The following ADAM11 variants were observed in gnomAD, a reference collection of about 807,000 sequenced individuals.
ADAM11 encodes the protein disintegrin and metalloproteinase domain-containing protein 11.
ADAM11 carries 49 observed loss-of-function variants against 119.1 expected under a neutral mutation model. The observed-to-expected ratio is 0.41, with a 90% CI of 0.33 to 0.52. The LOEUF (loss-of-function observed/expected upper bound fraction) is 0.52. ADAM11 is among the 20% of genes least tolerant of loss of function. The pLI, the probability that ADAM11 is intolerant of heterozygous loss-of-function variation, is 0.20. For missense variants in ADAM11, 777 were observed against 1,047.5 expected, an observed-to-expected ratio of 0.74 and a Z score of 3.56; for synonymous variants, 364 against 408.0, an observed-to-expected ratio of 0.89 and a Z score of 1.30.
chr17:44,763,256 G>A (rs1188724836), intron 2 of ADAM11, among the ~76,000 whole-genome samples: 1 of 152,220 alleles, frequency 6.6e-6, no homozygotes, highest in African/African-American at 2.4e-5. Context: ...GCTCCCAGAG[G>A]TGGGGCTGTT....
intron 26 of ADAM11, 47 bp downstream of exon 26, chr17:44,779,286 C>G (rs2049658225): frequency 4.5e-6 from 7 of 1,552,204 alleles, no homozygotes; most frequent in Non-Finnish European, 6.0e-6. Context: ...GCCACGTCAT[C>G]CCTCCCGCTG....
chr17:44,776,714 G>A lies in ADAM11; in HGVS notation c.1567-31G>A. The A allele has an allele frequency of 6.2e-7, 1 of 1,612,926 alleles. No individual in the cohort carries two copies. Among genetic ancestry groups the A allele is most frequent in the Non-Finnish European group, 8.5e-7 (1 of 1,179,494 alleles). On this transcript the variant is annotated intron_variant, in intron 18 of 26. Transcript: ENST00000200557. The surrounding 1 kb of genome is among the most constrained non-coding windows in gnomAD (Gnocchi z 5.2). ...AGCCCTCAGCTCCAGTCCTGGGACT[G>A]CTCCGCTCAACCCCACCCCTCTCTC...
chr17:44,769,910 G>A (rs2049497823), intron 3 of ADAM11, 72 bp from the exon 4 acceptor site: 1 of 1,608,980 alleles, frequency 6.2e-7, no homozygotes, highest in Non-Finnish European at 8.5e-7. Context: ...CCTGGGTCCT[G>A]ACCTGAGGCG....
At position 44,776,769 on chromosome 17, in the gene ADAM11, G is replaced by C; in HGVS notation, c.1591G>C (p.Asp531His). Reference sequence around the variant, plus strand: ...GTGCCCGCCTAACCTGCACAAGCTGGACGGTTACTACTGTGACCATGAGCA... The same window carrying C: ...GTGCCCGCCTAACCTGCACAAGCTGCACGGTTACTACTGTGACCATGAGCA... The part of the protein sequence containing the change: ...SQCPPNLHKL[D>H]GYYCDHEQGR... Residue 531 changes from aspartate (D) to histidine (H), a missense_variant, in exon 19 of 27, where the codon GAC becomes CAC. Physicochemically the swap from Asp to His is moderately conservative, Grantham distance 81. Transcript: ENST00000200557. This position sits in a 1 kb window ranked among gnomAD's most constrained non-coding sequence, Gnocchi z 5.2. The C allele has an allele frequency of 6.2e-7, 1 of 1,614,166 alleles. No individual in the cohort carries two copies. The highest frequency in any genetic ancestry group is 8.5e-7 in the Non-Finnish European group (1 of 1,180,026).
rs569481370 is a variant in ADAM11 at position 44,772,802 on chromosome 17, A to T, written c.679-55A>T. ...CACCGAGTCTGTTCCTGGCTTGGCCATGAGATCAGTCAGACATGGAAGGGA... is the reference window on the plus strand; with the variant it reads ...CACCGAGTCTGTTCCTGGCTTGGCCTTGAGATCAGTCAGACATGGAAGGGA... On this transcript the variant is annotated intron_variant, in intron 8 of 26. Transcript: ENST00000200557. This position sits in a 1 kb window ranked among gnomAD's most constrained non-coding sequence, Gnocchi z 4.5. 13 of 1,543,012 alleles carry T rather than the reference A, an allele frequency of 8.4e-6. No homozygotes were observed. The highest frequency in any genetic ancestry group is 1.4e-5 in the African/African-American group (1 of 73,544).
chr17:44,763,830 C>T (rs1175356590), intron 2 of ADAM11, among the ~76,000 whole-genome samples: 2 of 151,988 alleles, frequency 1.3e-5, no homozygotes, highest in African/African-American at 4.8e-5. Context: ...GATTCTTGTG[C>T]CTCAGCCTCC....
intron 2 of ADAM11, among the ~76,000 whole-genome samples, chr17:44,767,320 A>G (rs539950934): frequency 6.8e-6 from 1 of 146,952 alleles, no homozygotes; most frequent in Non-Finnish European, 1.5e-5. Flanking sequence ...GCACCACTGC[A>G]CTACAGCCTG....
At chr17:44,764,388 C>T (rs1052456464) in intron 2 of ADAM11, among the ~76,000 whole-genome samples, 10 of 152,216 alleles carry the variant, frequency 6.6e-5, no homozygotes, top group African/African-American at 2.4e-4. Flanking sequence ...CATGGTGCCA[C>T]AGGGGGGCCA....
At chr17:44,774,245 G>A (rs1468713893) in intron 11 of ADAM11, 50 bp from the exon 12 acceptor site, 12 of 1,275,066 alleles carry the variant, frequency 9.4e-6, no homozygotes, top group Non-Finnish European at 1.3e-5. Context: ...ACCACCCGGG[G>A]AGCCACAGGG....
chr17:44,761,924 G>A (rs532573083), intron 2 of ADAM11, among the ~76,000 whole-genome samples: 11 of 152,156 alleles, frequency 7.2e-5, no homozygotes, highest in Middle Eastern at 6.8e-3. Flanking sequence ...CCGGGTTCAA[G>A]CAATTCTACT....
In ADAM11 at chr17:44,779,939, C is replaced by T; in HGVS notation, c.*185C>T. On this transcript the variant is annotated 3_prime_UTR_variant, in exon 27 of 27. Transcript: ENST00000200557. ...TGCCCTTGGCACCACCAGGGTGGACCAGGCCTGGAGGGCACTTCCTCCACA... is the reference window on the plus strand; with the variant it reads ...TGCCCTTGGCACCACCAGGGTGGACTAGGCCTGGAGGGCACTTCCTCCACA... 1 of 882,106 alleles carries T rather than the reference C, an allele frequency of 1.1e-6. No individual in the cohort carries two copies. The highest frequency in any genetic ancestry group is 1.8e-6 in the Non-Finnish European group (1 of 549,178). The allele number at this position is 882,106 out of a possible 1,614,324, so 54.6% of individuals were successfully genotyped here.
intron 4 of ADAM11, 72 bp from the exon 5 acceptor site, chr17:44,771,512 C>CA: frequency 6.7e-7 from 1 of 1,486,828 alleles, no homozygotes; most frequent in Non-Finnish European, 9.3e-7. Flanking sequence ...CAGTGTCCCC[C>CA]AAAAAGCCTT....
Position 44,776,899 on chromosome 17 carries a change from G to C in ADAM11, c.1618G>C (p.Gly540Arg). ...LDGYYCDHEQ[G>R]RCYGGRCKTR... Reference sequence around the variant, plus strand: ...TGCCTCTTAATTCTTGGACTCTCAGGGCCGCTGCTACGGAGGTCGCTGCAA... The same window carrying C: ...TGCCTCTTAATTCTTGGACTCTCAGCGCCGCTGCTACGGAGGTCGCTGCAA... The change falls in exon 20 of 27, where the codon GGC becomes CGC. Residue 540 changes from glycine to arginine, a missense_variant and splice_region_variant. Physicochemically the swap from Gly to Arg is moderately radical, Grantham distance 125 (BLOSUM62 -2). Transcript: ENST00000200557. The surrounding 1 kb of genome is among the most constrained non-coding windows in gnomAD (Gnocchi z 5.2). 1 of 1,613,556 alleles carries C rather than the reference G, an allele frequency of 6.2e-7. No homozygotes were observed. Among genetic ancestry groups the C allele is most frequent in the Non-Finnish European group, 8.5e-7 (1 of 1,179,546 alleles).
rs1598892311 is a variant in ADAM11, at chr17:44,775,085, C to T, written c.1221-127C>T. On this transcript the variant is annotated intron_variant, in intron 14 of 26. Coordinates refer to ENST00000200557, the MANE Select transcript of ADAM11 (RefSeq NM_002390.6). This position sits in a 1 kb window ranked among gnomAD's most constrained non-coding sequence, Gnocchi z 7.5. ...AGGCGGGAGGATTCTGGTGCAATCC[C>T]GGGGCAGATCCTCCGCCTCCTCGCG... is the stretch of plus-strand genomic sequence containing the variant. 2 of 857,058 alleles carry T rather than the reference C, an allele frequency of 2.3e-6. No homozygotes were observed. Among genetic ancestry groups the T allele is most frequent in the South Asian group, 1.5e-5 (1 of 65,144 alleles). 53.1% of individuals were successfully genotyped at this position (857,058 alleles called of 1,614,324 possible).
At chr17:44,771,464 T>C (rs2049522884) in intron 4 of ADAM11, 120 bp from the exon 5 acceptor site, 2 of 1,003,978 alleles carry the variant, frequency 2.0e-6, no homozygotes, top group East Asian at 4.9e-5. Flanking sequence ...GCCCCAGGCA[T>C]ACCCAGGGAT....
At chr17:44,765,714 G>A (rs992470136) in intron 2 of ADAM11, among the ~76,000 whole-genome samples, 3 of 132,768 alleles carry the variant, frequency 2.3e-5, no homozygotes, top group Non-Finnish European at 4.6e-5. Context: ...TCCGCCTCCC[G>A]GGTTCAAGCA....
At chr17:44,768,281 A>G (rs2049475474) in intron 2 of ADAM11, among the ~76,000 whole-genome samples, 1 of 152,224 alleles carries the variant, frequency 6.6e-6, no homozygotes, top group African/African-American at 2.4e-5. Flanking sequence ...GGGCTGATCA[A>G]TGCTCTAGGG....
chr17:44,759,825 G>A lies in ADAM11; in HGVS notation c.165G>A (p.Arg55=), dbSNP rs142226298. The A allele has an allele frequency of 3.1e-4, 406 of 1,316,556 alleles. 2 individuals carry two copies. Among genetic ancestry groups the A allele is most frequent in the Admixed American group, 2.4e-4 (8 of 32,780 alleles). The allele number at this position is 1,316,556 out of a possible 1,614,324, so 81.6% of individuals were successfully genotyped here. A position where few individuals can be genotyped will look rare whatever the true frequency, so the allele number is the denominator to read the frequency against. The change falls in exon 2 of 27, where the codon AGG becomes AGA. Residue 55 remains arginine (R), a synonymous_variant. Coordinates refer to ENST00000200557, the MANE Select transcript of ADAM11 (RefSeq NM_002390.6). ...TCACGGAACCCAGCCGTCTGGTTAG[G>A]GAGAGCTCCGGGGGAGAGGTCCGAA... ...PEVTEPSRLV[R]ESSGGEVRKQ...
intron 14 of ADAM11, 60 bp downstream of exon 14, chr17:44,774,809 A>C (rs748216960): frequency 6.6e-5 from 104 of 1,570,022 alleles, no homozygotes; most frequent in Non-Finnish European, 7.5e-5. Flanking sequence ...TAGAGCGAGC[A>C]TTGTTTGGCA....
Sources: allele counts gnomAD v4.1 joint callset (sites outside exome capture counted in the v4.1 genomes callset), GRCh38; gene constraint gnomAD v4.1.1; non-coding constraint Gnocchi (gnomAD v3.1); transcripts MANE v1.5; gene names NCBI Gene and HGNC (gene_info 2026-07-23, HGNC 2026-07-21).